B4GALT1: variants seen among roughly 807,000 people sequenced by gnomAD.
B4GALT1 encodes beta-1,4-galactosyltransferase 1.
A neutral mutation model predicts 34.9 loss-of-function variants in B4GALT1; 16 were observed. That is an observed-to-expected ratio of 0.46 (90% CI 0.31 to 0.70). B4GALT1 has a LOEUF of 0.70. B4GALT1 is among the 30% of genes least tolerant of loss of function. The pLI, the probability that B4GALT1 is intolerant of heterozygous loss-of-function variation, is 0.05. For missense variants in B4GALT1, 445 were observed against 530.5 expected (o/e 0.84, Z 1.58); for synonymous variants, 221 against 218.1 (o/e 1.01, Z -0.12).
chr9:33,162,746 T>C (rs181415993), intron 1 of B4GALT1, among the ~76,000 whole-genome samples: 198 of 152,304 alleles, frequency 1.3e-3, no homozygotes, highest in Middle Eastern at 3.4e-3. Context: ...GGAGTTTCCA[T>C]TTGGTTCATC....
Position 33,112,977 on chromosome 9 carries a change from G to A in B4GALT1, c.*477C>T, listed in dbSNP as rs143366665. 4 of 253,186 alleles carry A rather than the reference G, an allele frequency of 1.6e-5. No homozygotes were observed. The highest frequency in any genetic ancestry group is 2.1e-4 in the East Asian group (2 of 9,716). The allele number at this position is 253,186 out of a possible 1,614,324, so 15.7% of individuals were successfully genotyped here. A position where few individuals can be genotyped will look rare whatever the true frequency, so the allele number is the denominator to read the frequency against. ...TGAAAGAAGGGGGTGGGGGGAGGAC[G>A]TAACATTAAGAATGGTTGAAATTTT... On this transcript the variant is annotated 3_prime_UTR_variant, in exon 6 of 6. Coordinates refer to ENST00000379731, the MANE Select transcript of B4GALT1 (RefSeq NM_001497.4).
intron 2 of B4GALT1, among the ~76,000 whole-genome samples, chr9:33,133,340 T>A (rs566475894): frequency 6.6e-6 from 1 of 152,204 alleles, no homozygotes; most frequent in African/African-American, 2.4e-5. Context: ...ACATCCCTCA[T>A]CTACTGGCAT....
chr9:33,176,849 TA>T, the B4GALT1 span, among the ~76,000 whole-genome samples: 2 of 146,068 alleles, frequency 1.4e-5, no homozygotes, highest in South Asian at 2.2e-4. Context: ...CATTTTTTTT[TA>T]AATTGCTACC....
At chr9:33,109,820 T>A (rs771047143), downstream of B4GALT1, among the ~76,000 whole-genome samples, 4 of 151,930 alleles carry the variant, frequency 2.6e-5, no homozygotes, top group Admixed American at 2.0e-4. Context: ...AACTGCTTGT[T>A]GGTGGGGAGA....
At chr9:33,135,040 G>A in intron 2 of B4GALT1, 149 bp downstream of exon 2, 1 of 789,968 alleles carries the variant, frequency 1.3e-6, no homozygotes, top group South Asian at 1.5e-5. Context: ...TACCTCATCT[G>A]CACTGGTGGT....
the B4GALT1 span, among the ~76,000 whole-genome samples, chr9:33,184,987 A>C: frequency 3.3e-5 from 5 of 152,210 alleles, no homozygotes; most frequent in African/African-American, 1.2e-4. Context: ...ATGTCTAGCC[A>C]GCTCAGGGTG....
chr9:33,174,902 A>T, the B4GALT1 span, among the ~76,000 whole-genome samples: 1 of 137,784 alleles, frequency 7.3e-6, no homozygotes, highest in Admixed American at 7.5e-5. Flanking sequence ...GGTTGCAGTG[A>T]GCCAAGATCA....
chr9:33,157,874 G>A (rs916406391), intron 1 of B4GALT1, among the ~76,000 whole-genome samples: 2 of 152,204 alleles, frequency 1.3e-5, no homozygotes, highest in Non-Finnish European at 2.9e-5. Context: ...CATCTATGAG[G>A]TGGATACTGT....
the B4GALT1 span, among the ~76,000 whole-genome samples, chr9:33,182,195 A>C: frequency 6.6e-6 from 1 of 152,086 alleles, no homozygotes; most frequent in Non-Finnish European, 1.5e-5. Context: ...CTTGGCTTGT[A>C]GCAGCATCAT....
intron 2 of B4GALT1, among the ~76,000 whole-genome samples, chr9:33,123,769 G>A (rs1400529465): frequency 6.6e-6 from 1 of 152,146 alleles, no homozygotes; most frequent in Non-Finnish European, 1.5e-5. Context: ...AACCACGAAT[G>A]AGCACCTCTG....
intron 1 of B4GALT1, among the ~76,000 whole-genome samples, chr9:33,155,274 C>T (rs923831392): frequency 6.6e-6 from 1 of 152,268 alleles, no homozygotes; most frequent in East Asian, 1.9e-4. Flanking sequence ...TCCTGGATTC[C>T]AACACCAGCC....
At position 33,111,233 on chromosome 9, in the gene B4GALT1, A is replaced by G. The variant is rs947989541; in HGVS notation, c.*2221T>C. The G allele has an allele frequency of 7.7e-6, 1 of 129,224 alleles. No homozygotes were observed. The highest frequency in any genetic ancestry group is 1.6e-5 in the Non-Finnish European group (1 of 62,154). The allele number at this position is 129,224 out of a possible 1,614,324, so 8.0% of individuals were successfully genotyped here. ...TCTAAGAATGAACCACATACTTGAC[A>G]TGAATGAGAAGGTAACCAAAAAAAA... On this transcript the variant is annotated 3_prime_UTR_variant, in exon 6 of 6. Transcript: ENST00000379731.
At chr9:33,166,628 T>C (rs1423509177) in intron 1 of B4GALT1, 130 bp downstream of exon 1, 47 of 1,155,202 alleles carry the variant, frequency 4.1e-5, no homozygotes, top group Non-Finnish European at 5.1e-5. Flanking sequence ...GTCTGGGATT[T>C]AAAACTCTGA....
intron 2 of B4GALT1, among the ~76,000 whole-genome samples, chr9:33,131,101 G>A (rs569464908): frequency 6.6e-6 from 1 of 152,200 alleles, no homozygotes; most frequent in Non-Finnish European, 1.5e-5. Context: ...CTGAACCCAG[G>A]CAGTCTGAGC....
intron 2 of B4GALT1, among the ~76,000 whole-genome samples, chr9:33,133,371 C>T (rs889329772): frequency 1.3e-5 from 2 of 152,162 alleles, no homozygotes; most frequent in South Asian, 2.1e-4. Flanking sequence ...AAGAGAGAAA[C>T]GAGATGCAGC....
chr9:33,132,175 T>A (rs922369199), intron 2 of B4GALT1, among the ~76,000 whole-genome samples: 4 of 151,956 alleles, frequency 2.6e-5, no homozygotes, highest in Admixed American at 6.6e-5. Context: ...GAGGTATATA[T>A]GTTTGAAAAA....
At chr9:33,163,365 G>A (rs145717394) in intron 1 of B4GALT1, among the ~76,000 whole-genome samples, 2 of 152,300 alleles carry the variant, frequency 1.3e-5, no homozygotes, top group Non-Finnish European at 2.9e-5. Flanking sequence ...TGGTCCAAGT[G>A]CCCATCTCTA....
intron 1 of B4GALT1, among the ~76,000 whole-genome samples, chr9:33,137,002 A>G (rs1375507299): frequency 6.6e-6 from 1 of 152,036 alleles, no homozygotes; most frequent in African/African-American, 2.4e-5. Flanking sequence ...CCCCTTCCCC[A>G]GTACACATCT....
At chr9:33,115,771 T>C (rs950206080) in intron 4 of B4GALT1, among the ~76,000 whole-genome samples, 11 of 152,212 alleles carry the variant, frequency 7.2e-5, no homozygotes, top group Non-Finnish European at 1.2e-4. Flanking sequence ...TGGTTCCCAT[T>C]TGACATTTTT....
Sources: gnomAD v4.1 joint callset for allele counts (sites outside exome capture counted in the v4.1 genomes callset) on GRCh38, gnomAD v4.1.1 for gene constraint, MANE v1.5 for transcripts, NCBI Gene and HGNC (gene_info 2026-07-23, HGNC 2026-07-21) for gene names.